Variants in MGAT4A observed in about 807,000 individuals in gnomAD.
MGAT4A encodes alpha-1,3-mannosyl-glycoprotein 4-beta-N-acetylglucosaminyltransferase A, also known as N-acetylglucosaminyltransferase IVa.
MGAT4A carries 33 observed loss-of-function variants against 74.1 expected under a neutral mutation model. The observed-to-expected ratio is 0.45, with a 90% CI of 0.34 to 0.60. MGAT4A has a LOEUF of 0.60. Among genes scored for constraint, MGAT4A ranks in the 20% least tolerant of loss-of-function variants. MGAT4A has a pLI of 0.02. For synonymous variants in MGAT4A, 198 were observed against 210.4 expected, an observed-to-expected ratio of 0.94 and a Z score of 0.51; for missense variants, 479 against 628.3, an observed-to-expected ratio of 0.76 and a Z score of 2.54.
chr2:98,677,801 A>ATTTTTTTTTTTTTTTT (rs70940122), intron 3 of MGAT4A, among the ~76,000 whole-genome samples: 1 of 121,354 alleles, frequency 8.2e-6, no homozygotes, highest in Non-Finnish European at 1.7e-5. Flanking sequence ...CAGGTAATAA[A>ATTTTTTTTTTTTTTTT]TTTTTTTTTT....
At chr2:98,666,067 T>C (rs1015284302) in intron 4 of MGAT4A, among the ~76,000 whole-genome samples, 6 of 152,224 alleles carry the variant, frequency 3.9e-5, no homozygotes, top group African/African-American at 1.4e-4. Flanking sequence ...TTACCAAATT[T>C]CACAAAAAGT....
intron 2 of MGAT4A, among the ~76,000 whole-genome samples, chr2:98,718,024 T>C (rs563429111): frequency 6.6e-6 from 1 of 152,342 alleles, no homozygotes; most frequent in Admixed American, 6.5e-5. Flanking sequence ...CAAATAAGAA[T>C]CATAGTTTCC....
rs1701100410 is a variant in MGAT4A, at chr2:98,623,923, T to C, written c.*1643A>G. On this transcript the variant is annotated 3_prime_UTR_variant, in exon 16 of 16. Coordinates refer to ENST00000393487, the MANE Select transcript of MGAT4A (RefSeq NM_012214.3). ...TGGTCACTCTGAAAGCTCAGCAGAATCCATCTCTGCCCGTCTGCAACCAAC... is the reference window on the plus strand; with the variant it reads ...TGGTCACTCTGAAAGCTCAGCAGAACCCATCTCTGCCCGTCTGCAACCAAC... 2.0e-6 allele frequency: 2 copies of C among 985,236 alleles called. No individual in the cohort carries two copies. The highest frequency in any genetic ancestry group is 2.4e-6 in the Non-Finnish European group (2 of 829,974). The allele number at this position is 985,236 out of a possible 1,614,324, so 61.0% of individuals were successfully genotyped here.
chr2:98,641,731 A>T (rs909280470), intron 10 of MGAT4A, among the ~76,000 whole-genome samples: 2 of 151,942 alleles, frequency 1.3e-5, no homozygotes, highest in East Asian at 1.9e-4. Context: ...TTGGTGGCTC[A>T]CGTCTGTAAT....
chr2:98,661,275 T>C (rs570858814), intron 5 of MGAT4A, among the ~76,000 whole-genome samples: 5 of 152,216 alleles, frequency 3.3e-5, no homozygotes, highest in South Asian at 2.1e-4. Context: ...TTAGGAAGAA[T>C]GTGGAGAAAA....
chr2:98,683,902 T>C (rs750454453), intron 2 of MGAT4A, among the ~76,000 whole-genome samples: 47 of 152,222 alleles, frequency 3.1e-4, no homozygotes, highest in Non-Finnish European at 5.7e-4. Context: ...CCGGATGCTA[T>C]TGCTGTTCTT....
chr2:98,625,499 A>G lies in MGAT4A; in HGVS notation c.*67T>C. Reference sequence around the variant, plus strand: ...GTAGTGTTCAAGTAGAAATAAAAAAAAGATACATGCTTAACTATCTTTAAT... The same window carrying G: ...GTAGTGTTCAAGTAGAAATAAAAAAGAGATACATGCTTAACTATCTTTAAT... On this transcript the variant is annotated 3_prime_UTR_variant, in exon 16 of 16. Coordinates refer to ENST00000393487, the MANE Select transcript of MGAT4A (RefSeq NM_012214.3). 6.3e-7 allele frequency: 1 copy of G among 1,588,114 alleles called. No homozygotes were observed. The highest frequency in any genetic ancestry group is 8.5e-7 in the Non-Finnish European group (1 of 1,172,792).
In MGAT4A at chr2:98,621,270, G is replaced by T; in HGVS notation, c.*4296C>A. On this transcript the variant is annotated 3_prime_UTR_variant, in exon 16 of 16. Coordinates refer to ENST00000393487, the MANE Select transcript of MGAT4A (RefSeq NM_012214.3). ...TTGGCCAGGCTGGGTCTTATCTGGAGACTGGAGATGAATGCCTTTCCAAGC... is the reference window on the plus strand; with the variant it reads ...TTGGCCAGGCTGGGTCTTATCTGGATACTGGAGATGAATGCCTTTCCAAGC... 19 of 1,141,788 alleles carry T rather than the reference G, an allele frequency of 1.7e-5. No individual in the cohort carries two copies. Among genetic ancestry groups the T allele is most frequent in the Non-Finnish European group, 2.3e-5 (19 of 840,232 alleles). The allele number at this position is 1,141,788 out of a possible 1,614,324, so 70.7% of individuals were successfully genotyped here. A position where few individuals can be genotyped will look rare whatever the true frequency, so the allele number is the denominator to read the frequency against.
chr2:98,668,076 T>C (rs536583905), intron 4 of MGAT4A, among the ~76,000 whole-genome samples: 3 of 152,188 alleles, frequency 2.0e-5, no homozygotes, highest in South Asian at 2.1e-4. Context: ...AGCCTGACAA[T>C]GTGATAAAAA....
At chr2:98,710,794 G>T (rs1702504684) in intron 2 of MGAT4A, among the ~76,000 whole-genome samples, 1 of 152,138 alleles carries the variant, frequency 6.6e-6, no homozygotes, top group African/African-American at 2.4e-5. Flanking sequence ...GTAGAAGACA[G>T]TCAATACATT....
At chr2:98,662,592 T>C (rs1055137359) in intron 5 of MGAT4A, among the ~76,000 whole-genome samples, 3 of 151,986 alleles carry the variant, frequency 2.0e-5, no homozygotes, top group Non-Finnish European at 2.9e-5. Flanking sequence ...TTGCTCAAGA[T>C]TTATTCTTTC....
chr2:98,728,978 C>T (rs544202930), intron 1 of MGAT4A, among the ~76,000 whole-genome samples: 1 of 152,158 alleles, frequency 6.6e-6, no homozygotes, highest in South Asian at 2.1e-4. Context: ...AAAAAGCATA[C>T]AGGTTATTAG....
rs750998069 is a variant in MGAT4A, at chr2:98,675,068, G to T, written c.370C>A (p.Pro124Thr). The T allele has an allele frequency of 1.9e-6, 3 of 1,611,452 alleles. No homozygotes were observed. The highest frequency in any genetic ancestry group is 2.5e-6 in the Non-Finnish European group (3 of 1,179,330). The part of the protein sequence containing the change: ...HLLKNEGSLQ[P>T]AVQIGNGRTG... ...CTTCCGTTGCCAATCTGTACAGCAG[G>T]TTGAAGACTTCCTTCATTTTTCAAT... The change falls in exon 4 of 16, where the codon CCT (proline) becomes ACT (threonine). Residue 124 changes from proline (P) to threonine (T), a missense_variant. Coordinates refer to ENST00000393487, the MANE Select transcript of MGAT4A (RefSeq NM_012214.3).
rs1394373187 is a variant in MGAT4A, at chr2:98,619,952, C to T, written c.*5614G>A. The T allele has an allele frequency of 3.9e-5, 6 of 152,098 alleles. No individual in the cohort carries two copies. The highest frequency in any genetic ancestry group is 7.2e-5 in the African/African-American group (3 of 41,398). 9.4% of individuals were successfully genotyped at this position (152,098 alleles called of 1,614,324 possible). A position where few individuals can be genotyped will look rare whatever the true frequency, so the allele number is the denominator to read the frequency against. On this transcript the variant is annotated 3_prime_UTR_variant, in exon 16 of 16. Coordinates refer to ENST00000393487, the MANE Select transcript of MGAT4A (RefSeq NM_012214.3). The stretch of plus-strand genomic sequence containing the variant: ...CATTAACAGTGGGAATGTTACTTCG[C>T]GCAAAGTGCTTTCCCATCAATGCTC...
intron 3 of MGAT4A, 47 bp downstream of exon 3, chr2:98,678,257 T>C (rs184857651): frequency 2.9e-6 from 1 of 339,676 alleles, no homozygotes; most frequent in Admixed American, 6.6e-5. Context: ...AAAATATATA[T>C]ATATATATAT....
intron 4 of MGAT4A, among the ~76,000 whole-genome samples, chr2:98,664,891 A>G (rs1240120119): frequency 6.6e-6 from 1 of 152,218 alleles, no homozygotes; most frequent in Non-Finnish European, 1.5e-5. Context: ...GAGGTATTTC[A>G]AAGTAAATTT....
At chr2:98,691,970 A>G (rs1033422056) in intron 2 of MGAT4A, among the ~76,000 whole-genome samples, 2 of 152,236 alleles carry the variant, frequency 1.3e-5, no homozygotes, top group Non-Finnish European at 2.9e-5. Flanking sequence ...AAGCTTATAG[A>G]ATATGAATAT....
chr2:98,691,625 T>C (rs1331874929), intron 2 of MGAT4A, among the ~76,000 whole-genome samples: 2 of 152,218 alleles, frequency 1.3e-5, no homozygotes, highest in Admixed American at 6.5e-5. Flanking sequence ...CACTTGATAA[T>C]GACAATCAAC....
intron 4 of MGAT4A, among the ~76,000 whole-genome samples, chr2:98,665,029 A>C (rs4508652): frequency 0.44 from 66,191 of 151,944 alleles, 14,925 homozygotes; most frequent in South Asian, 0.54. Context: ...CTTATAATTC[A>C]CAGAATTCTA....
Sources: gnomAD v4.1 joint callset for allele counts (sites outside exome capture counted in the v4.1 genomes callset) on GRCh38, gnomAD v4.1.1 for gene constraint, MANE v1.5 for transcripts, NCBI Gene and HGNC (gene_info 2026-07-23, HGNC 2026-07-21) for gene names.